SLC4A4: variants seen among roughly 807,000 people sequenced by gnomAD.
SLC4A4 encodes electrogenic sodium bicarbonate cotransporter 1.
A neutral mutation model predicts 111.5 loss-of-function variants in SLC4A4; 27 were observed. That is an observed-to-expected ratio of 0.24 (90% CI 0.18 to 0.33). The LOEUF is 0.33. SLC4A4 is among the 10% of genes least tolerant of loss of function. SLC4A4 has a pLI of 1.00. For synonymous variants in SLC4A4, 443 were observed against 463.4 expected (o/e 0.96, Z 0.57); for missense variants, 909 against 1,315.5 (o/e 0.69, Z 4.78).
intron 9 of SLC4A4, among the ~76,000 whole-genome samples, chr4:71,449,154 T>C (rs1158138252): frequency 1.3e-5 from 2 of 152,202 alleles, no homozygotes; most frequent in African/African-American, 4.8e-5. Flanking sequence ...AGGCTCTTGC[T>C]AAATTTATGA....
chr4:71,421,296 T>C (rs1722465916), intron 7 of SLC4A4, among the ~76,000 whole-genome samples: 1 of 152,152 alleles, frequency 6.6e-6, no homozygotes, highest in South Asian at 2.1e-4. Flanking sequence ...CTATCCTAAA[T>C]ATATATGCAC....
In SLC4A4 at chr4:71,440,522, G is replaced by A. The variant is rs866792215; in HGVS notation, c.808-94G>A. 28 of 1,383,602 alleles carry A rather than the reference G, an allele frequency of 2.0e-5. 1 individual carries two copies. The highest frequency in any genetic ancestry group is 1.5e-4 in the Admixed American group (9 of 59,580). The allele number at this position is 1,383,602 out of a possible 1,614,324, so 85.7% of individuals were successfully genotyped here. A position where few individuals can be genotyped will look rare whatever the true frequency, so the allele number is the denominator to read the frequency against. Reference sequence around the variant, plus strand: ...AGGAATTTCCTGTGAGTGATACATGGGAAGGCCCTTTTTGTTCCCTTCTCT... The same window carrying A: ...AGGAATTTCCTGTGAGTGATACATGAGAAGGCCCTTTTTGTTCCCTTCTCT... On this transcript the variant is annotated intron_variant, in intron 7 of 25. Coordinates refer to ENST00000264485, the MANE Select transcript of SLC4A4 (RefSeq NM_001098484.3).
intron 3 of SLC4A4, among the ~76,000 whole-genome samples, chr4:71,336,357 C>T (rs1560420142): frequency 1.3e-5 from 2 of 152,290 alleles, no homozygotes; most frequent in East Asian, 3.9e-4. Context: ...GTTACTATTG[C>T]TCTTTGACCT....
chr4:71,544,641 T>C (rs535426204), intron 18 of SLC4A4, among the ~76,000 whole-genome samples: 15 of 152,136 alleles, frequency 9.9e-5, no homozygotes, highest in African/African-American at 3.4e-4. Context: ...TTAGTCTTAC[T>C]ATCTTTTCCC....
Position 71,099,320 on chromosome 4 carries a change from T to A in SLC4A4, c.-2+6528T>A, listed in dbSNP as rs1161224019. On this transcript the variant is annotated intron_variant, in intron 2 of 26. Coordinates refer to the SLC4A4 transcript ENST00000649996. ...ACATGCTGAAAACCATGCAATTTCATGGAAATTAAGCAACATGCTGAATGA... is the reference window on the plus strand; with the variant it reads ...ACATGCTGAAAACCATGCAATTTCAAGGAAATTAAGCAACATGCTGAATGA... Among the ~76,000 whole-genome samples, 5 of 152,224 alleles carry A rather than the reference T, an allele frequency of 3.3e-5. No individual in the cohort carries two copies. In the South Asian group the frequency reaches 8.3e-4, roughly 25 times the overall value.
intron 2 of SLC4A4, among the ~76,000 whole-genome samples, chr4:71,163,752 T>C (rs1440954577): frequency 2.6e-5 from 4 of 152,242 alleles, no homozygotes; most frequent in Admixed American, 2.0e-4. Flanking sequence ...ATATCACCTA[T>C]AGCTGCTTTC....
At chr4:71,238,781 A>G (rs1719977740) in intron 2 of SLC4A4, among the ~76,000 whole-genome samples, 1 of 152,168 alleles carries the variant, frequency 6.6e-6, no homozygotes, top group Non-Finnish European at 1.5e-5. Flanking sequence ...GTGTTCTCCC[A>G]ATTGACCCTC....
At chr4:71,137,850 A>T (rs1743888442) in intron 2 of SLC4A4, among the ~76,000 whole-genome samples, 1 of 152,218 alleles carries the variant, frequency 6.6e-6, no homozygotes, top group Non-Finnish European at 1.5e-5. Flanking sequence ...ACAAAGAACT[A>T]CTTTAATAGG....
intron 22 of SLC4A4, 37 bp downstream of exon 22, chr4:71,557,922 A>T (rs748209529): frequency 6.5e-7 from 1 of 1,531,478 alleles, no homozygotes; most frequent in South Asian, 1.1e-5. Context: ...CTGTGAGATT[A>T]TATGAGTATC....
In SLC4A4 at chr4:71,247,325, A is replaced by G. The variant is rs139235836; in HGVS notation, c.74-7895A>G. Among the ~76,000 whole-genome samples the G allele has an allele frequency of 1.9e-3, 286 of 148,264 alleles. 1 individual carries two copies. The highest frequency in any genetic ancestry group is 5.9e-3 in the African/African-American group (243 of 40,870). On this transcript the variant is annotated intron_variant, in intron 2 of 25. Coordinates refer to ENST00000264485, the MANE Select transcript of SLC4A4 (RefSeq NM_001098484.3). ...TATTTTGCATATATGATATATAATT[A>G]TGATAATAGATTAACATATATTAAA...
At chr4:71,135,296 CT>C (rs376221639) in intron 2 of SLC4A4, among the ~76,000 whole-genome samples, 3,864 of 130,580 alleles carry the variant, frequency 0.03, 93 homozygotes, top group African/African-American at 0.082. Context: ...ACAATCTACT[CT>C]TTTTTTTTTT....
chr4:71,123,180 A>G (rs75262432), intron 2 of SLC4A4, among the ~76,000 whole-genome samples: 3,153 of 152,296 alleles, frequency 0.021, 116 homozygotes, highest in African/African-American at 0.073. Context: ...AAGGTGTTCC[A>G]GGAAGAGAGA....
chr4:71,526,211 A>G (rs1028091484), intron 16 of SLC4A4, among the ~76,000 whole-genome samples: 2 of 152,076 alleles, frequency 1.3e-5, no homozygotes, highest in African/African-American at 4.8e-5. Context: ...GGGAAAATCA[A>G]TTTCCTTGAC....
At chr4:71,323,009 G>T (rs961877412) in intron 3 of SLC4A4, among the ~76,000 whole-genome samples, 3 of 151,922 alleles carry the variant, frequency 2.0e-5, no homozygotes, top group Non-Finnish European at 2.9e-5. Context: ...TCCCTAAACA[G>T]CAGTAAAGGC....
Position 71,236,615 on chromosome 4 carries a change from C to T in SLC4A4, c.39C>T (p.Phe13=), listed in dbSNP as rs1425633359. ...CTGTCCTGGACAGAGGGGCTTCCTTCCTCAAGCATGTGTGTGATGAAGAAG... is the reference window on the plus strand; with the variant it reads ...CTGTCCTGGACAGAGGGGCTTCCTTTCTCAAGCATGTGTGTGATGAAGAAG... ...DEAVLDRGAS[F]LKHVCDEEEV... The change falls in exon 2 of 26, where the codon TTC becomes TTT. Residue 13 remains phenylalanine (F), a synonymous_variant. Transcript: ENST00000264485. The T allele has an allele frequency of 6.2e-7, 1 of 1,613,860 alleles. No individual in the cohort carries two copies. The highest frequency in any genetic ancestry group is 8.5e-7 in the Non-Finnish European group (1 of 1,179,848).
intron 2 of SLC4A4, among the ~76,000 whole-genome samples, chr4:71,124,280 T>C (rs955416045): frequency 7.9e-5 from 12 of 151,482 alleles, no homozygotes; most frequent in Non-Finnish European, 1.8e-4. Flanking sequence ...CAAGCGATTC[T>C]CCTGCCTCAG....
In SLC4A4 at chr4:71,524,935, T is replaced by G. The variant is rs181274314; in HGVS notation, c.2167-7127T>G. On this transcript the variant is annotated intron_variant, in intron 16 of 25. Transcript: ENST00000264485. ...CAGCTGTATCCATTGAGAACTGCTC[T>G]GTAGACTCATGGCCCTTTCCCTCCA... is the stretch of plus-strand genomic sequence containing the variant. Among the ~76,000 whole-genome samples, 114 of 152,234 alleles carry G rather than the reference T, an allele frequency of 7.5e-4. 1 individual carries two copies. The highest frequency in any genetic ancestry group is 1.0e-4 in the Non-Finnish European group (7 of 68,008).
chr4:71,296,535 G>A (rs1435869026), intron 3 of SLC4A4, among the ~76,000 whole-genome samples: 1 of 152,004 alleles, frequency 6.6e-6, no homozygotes, highest in East Asian at 1.9e-4. Flanking sequence ...ATTTTTTTGG[G>A]GGGGAACCAT....
upstream of SLC4A4, among the ~76,000 whole-genome samples, chr4:71,183,954 T>A (rs931412005): frequency 2.0e-5 from 3 of 152,212 alleles, no homozygotes; most frequent in Non-Finnish European, 4.4e-5. Context: ...TTTGTATAAC[T>A]CCAGGAGAAA....
Sources: gnomAD v4.1 joint callset for allele counts (sites outside exome capture counted in the v4.1 genomes callset) on GRCh38, gnomAD v4.1.1 for gene constraint, MANE v1.5 for transcripts, NCBI Gene and HGNC (gene_info 2026-07-23, HGNC 2026-07-21) for gene names.